The following STAT5B variants were observed in gnomAD, a reference collection of about 807,000 sequenced individuals.
STAT5B encodes the protein signal transducer and activator of transcription 5B, also known as transcription factor STAT5B.
Under a neutral mutation model 107.8 loss-of-function variants are expected in STAT5B, and 21 were observed. That is an observed-to-expected ratio of 0.19 (90% confidence interval 0.14 to 0.28). The LOEUF is 0.28. Ranked by LOEUF, STAT5B falls within the 10% of genes least tolerant of loss-of-function variation. STAT5B has a pLI of 1.00. For synonymous variants in STAT5B, 325 were observed against 401.7 expected, an observed-to-expected ratio of 0.81 and a Z score of 2.28; for missense variants, 565 against 1,008.2, an observed-to-expected ratio of 0.56 and a Z score of 5.95.
At chr17:42,258,449 C>T (rs1182980387) in intron 1 of STAT5B, among the ~76,000 whole-genome samples, 3 of 152,076 alleles carry the variant, frequency 2.0e-5, no homozygotes, top group Admixed American at 1.3e-4. Context: ...GAGGCTGAAG[C>T]GGAAGGATCA....
chr17:42,260,843 G>C (rs1365628902), intron 1 of STAT5B, among the ~76,000 whole-genome samples: 1 of 151,662 alleles, frequency 6.6e-6, no homozygotes, highest in African/African-American at 2.4e-5. Context: ...GTATTGAACA[G>C]TGCTGGTCTA....
chr17:42,244,791 G>A (rs756797260), intron 1 of STAT5B, among the ~76,000 whole-genome samples: 5 of 152,142 alleles, frequency 3.3e-5, no homozygotes, highest in African/African-American at 4.8e-5. Context: ...ATAGGGGGAT[G>A]ATTAGACTAT....
At chr17:42,217,031 G>A (rs893922952) in intron 11 of STAT5B, 129 bp downstream of exon 11, 16 of 1,493,288 alleles carry the variant, frequency 1.1e-5, no homozygotes, top group Admixed American at 2.0e-5. Flanking sequence ...GGTGAGGTCA[G>A]TCCATTTTCA....
intron 12 of STAT5B, among the ~76,000 whole-genome samples, chr17:42,215,643 G>C (rs1208951953): frequency 3.3e-5 from 5 of 151,910 alleles, no homozygotes; most frequent in African/African-American, 7.3e-5. Flanking sequence ...TATTGAGATG[G>C]AGTCTCACTC....
In STAT5B at chr17:42,227,693, A is replaced by G. The variant is rs779659687; in HGVS notation, c.129-8T>C. 1.9e-5 allele frequency: 31 copies of G among 1,613,258 alleles called. No homozygotes were observed. The African/African-American group carries it at 3.2e-4, about 17-fold the overall frequency. On this transcript the variant is annotated splice_polypyrimidine_tract_variant and splice_region_variant and intron_variant, in intron 2 of 18. Coordinates refer to ENST00000293328, the MANE Select transcript of STAT5B (RefSeq NM_012448.4). ...TCAAGATCTACTGAGTCCCTAGGGG[A>G]AAAAAATTACATAATCTGTATACAT... is the stretch of plus-strand genomic sequence containing the variant.
chr17:42,202,633 C>T, intron 17 of STAT5B, 124 bp downstream of exon 17: 8 of 1,552,526 alleles, frequency 5.2e-6, no homozygotes, highest in Non-Finnish European at 7.1e-6. Context: ...AGCCCAGGTC[C>T]TTCCCCAGGG....
At position 42,201,629 on chromosome 17, in the gene STAT5B, C is replaced by T. The variant is rs2080044833; in HGVS notation, c.*109G>A. On this transcript the variant is annotated 3_prime_UTR_variant, in exon 19 of 19. Coordinates refer to ENST00000293328, the MANE Select transcript of STAT5B (RefSeq NM_012448.4). Reference sequence around the variant, plus strand: ...AAGGTCACAACTAGTATTAACACTTCACATTATGAGTATTGTTTCAAAAGA... The same window carrying T: ...AAGGTCACAACTAGTATTAACACTTTACATTATGAGTATTGTTTCAAAAGA... 2 of 849,778 alleles carry T rather than the reference C, an allele frequency of 2.4e-6. No homozygotes were observed. The highest frequency in any genetic ancestry group is 4.0e-6 in the Non-Finnish European group (2 of 494,180). 52.6% of individuals were successfully genotyped at this position (849,778 alleles called of 1,614,324 possible).
At chr17:42,214,177 T>C in intron 12 of STAT5B, 6 of 976,140 alleles carry the variant, frequency 6.1e-6, no homozygotes, top group Non-Finnish European at 7.3e-6. Context: ...GCATAAGATG[T>C]AAGTAGTCAT....
chr17:42,244,236 TGCCA>T (rs751766153), intron 1 of STAT5B, among the ~76,000 whole-genome samples: 26 of 150,914 alleles, frequency 1.7e-4, no homozygotes, highest in Non-Finnish European at 3.7e-4. Context: ...CACAGGTGTG[TGCCA>T]CCATGCCCGG....
At chr17:42,265,744 C>T (rs1230434149) in intron 1 of STAT5B, among the ~76,000 whole-genome samples, 1 of 152,096 alleles carries the variant, frequency 6.6e-6, no homozygotes, top group Admixed American at 6.6e-5. Context: ...TATGAAAGTG[C>T]CAGTTTCCCA....
At chr17:42,262,946 G>A (rs1281657206) in intron 1 of STAT5B, among the ~76,000 whole-genome samples, 4,901 of 32,962 alleles carry the variant, frequency 0.15, 483 homozygotes, top group African/African-American at 0.26. Flanking sequence ...ATATATATGT[G>A]TGTGTGTGTG....
chr17:42,207,613 T>C lies in STAT5B; in HGVS notation c.2022A>G (p.Pro674=), dbSNP rs771200360. The change falls in exon 16 of 19, where the codon CCA becomes CCG. Residue 674 remains proline (P), a synonymous_variant. Transcript: ENST00000293328. ...AGTATTTGGAGTATACTTCATCTTT[T>C]GGCCGATCAGGAAACACGTAGATAA... The part of the protein sequence containing the change: ...NYLIYVFPDR[P]KDEVYSKYYT... 1.2e-6 allele frequency: 2 copies of C among 1,614,008 alleles called. No individual in the cohort carries two copies. The highest frequency in any genetic ancestry group is 8.5e-7 in the Non-Finnish European group (1 of 1,180,038).
chr17:42,267,184 T>C (rs931677427), intron 1 of STAT5B, among the ~76,000 whole-genome samples: 8 of 152,212 alleles, frequency 5.3e-5, no homozygotes, highest in Non-Finnish European at 1.0e-4. Context: ...GCACATACAA[T>C]TGCGTGCAGT....
At chr17:42,280,753 G>A (rs923340079), upstream of STAT5B, among the ~76,000 whole-genome samples, 3 of 152,110 alleles carry the variant, frequency 2.0e-5, no homozygotes, top group Non-Finnish European at 2.9e-5. Context: ...CTGCAGTTTC[G>A]GAGGGCTCTG....
At chr17:42,236,729 G>A (rs564344449) in intron 1 of STAT5B, among the ~76,000 whole-genome samples, 2 of 152,308 alleles carry the variant, frequency 1.3e-5, no homozygotes, top group East Asian at 3.9e-4. Flanking sequence ...GAGCCAGCGT[G>A]CCTGGCAGTT....
At chr17:42,241,468 A>G (rs1036933190) in intron 1 of STAT5B, among the ~76,000 whole-genome samples, 1 of 147,366 alleles carries the variant, frequency 6.8e-6, no homozygotes, top group African/African-American at 2.5e-5. Flanking sequence ...TTTGAGACAG[A>G]GTCTTGCTCT....
At chr17:42,282,380 G>C in the STAT5B span, among the ~76,000 whole-genome samples, 5 of 152,232 alleles carry the variant, frequency 3.3e-5, no homozygotes, top group Admixed American at 2.6e-4. Context: ...CTGGAGTGCA[G>C]TGGTGTGATC....
rs1424157722 is a variant in STAT5B at position 42,227,583 on chromosome 17, C to G, written c.231G>C (p.Gly77=). ...TGATCTTCAGTAAAAACCCATCTTC[C>G]CCCACCTGGTGCTCTGCCTTCTTCT... ...ELQKKAEHQV[G]EDGFLLKIKL... Residue 77 remains glycine, a synonymous_variant, in exon 3 of 19, where the codon GGG becomes GGC. Coordinates refer to ENST00000293328, the MANE Select transcript of STAT5B (RefSeq NM_012448.4). 6.2e-7 allele frequency: 1 copy of G among 1,613,688 alleles called. No homozygotes were observed. Among genetic ancestry groups the G allele is most frequent in the Non-Finnish European group, 8.5e-7 (1 of 1,179,936 alleles).
intron 1 of STAT5B, among the ~76,000 whole-genome samples, chr17:42,241,234 G>A (rs1201171363): frequency 6.6e-6 from 1 of 151,634 alleles, no homozygotes; most frequent in African/African-American, 2.4e-5. Context: ...CAGCTACTTG[G>A]GATGCTGAGG....
Sources: gnomAD v4.1 joint callset for allele counts (sites outside exome capture counted in the v4.1 genomes callset) on GRCh38, gnomAD v4.1.1 for gene constraint, MANE v1.5 for transcripts, NCBI Gene and HGNC (gene_info 2026-07-23, HGNC 2026-07-21) for gene names.